The following SIMC1 variants were observed in gnomAD, a reference collection of about 807,000 sequenced individuals.
The protein encoded by SIMC1 is SUMO-interacting motif-containing protein 1.
SIMC1 carries 55 observed loss-of-function variants against 82.3 expected under a neutral mutation model. The observed-to-expected ratio is 0.67, with a 90% CI of 0.54 to 0.84. The LOEUF (loss-of-function observed/expected upper bound fraction) is 0.84, where lower values mean the gene tolerates loss of function less well. Ranked by LOEUF, SIMC1 falls within the 40% of genes least tolerant of loss-of-function variation. The pLI, the probability that SIMC1 is intolerant of heterozygous loss-of-function variation, is 0.00. For synonymous variants in SIMC1, 353 were observed against 426.3 expected (o/e 0.83, Z 2.12); for missense variants, 915 against 1,107.2 (o/e 0.83, Z 2.46).
chr5:176,313,571 G>C, intron 4 of SIMC1, 120 bp from the exon 5 acceptor site: 1 of 1,555,504 alleles, frequency 6.4e-7, no homozygotes, highest in Non-Finnish European at 8.8e-7. Context: ...TCTCTTTTAA[G>C]CACAGGCATA....
chr5:176,276,341 C>G (rs578184820), intron 1 of SIMC1, among the ~76,000 whole-genome samples: 1 of 151,224 alleles, frequency 6.6e-6, no homozygotes, highest in Admixed American at 6.6e-5. Flanking sequence ...TTTTTTATTG[C>G]GACTGTTTGA....
chr5:176,271,854 A>C (rs1277972934), intron 1 of SIMC1, among the ~76,000 whole-genome samples: 1 of 145,792 alleles, frequency 6.9e-6, no homozygotes, highest in East Asian at 1.9e-4. Flanking sequence ...TACCCCATAG[A>C]TATATATTAT....
At chr5:176,278,752 T>G (rs1159799313) in intron 1 of SIMC1, among the ~76,000 whole-genome samples, 2 of 132,648 alleles carry the variant, frequency 1.5e-5, no homozygotes, top group African/African-American at 5.6e-5. Context: ...TGGATTACAT[T>G]TATTGTTTTG....
At position 176,313,466 on chromosome 5, in the gene SIMC1, G is replaced by A. The variant is rs755747090; in HGVS notation, c.1735-225G>A. On this transcript the variant is annotated intron_variant, in intron 4 of 9. Transcript: ENST00000429602. ...AACAAGTAATAATACTTAAAAAATGGTTTCTGAAACCTTATAAGGTATGAT... is the reference window on the plus strand; with the variant it reads ...AACAAGTAATAATACTTAAAAAATGATTTCTGAAACCTTATAAGGTATGAT... The A allele has an allele frequency of 5.2e-6, 8 of 1,550,076 alleles. No individual in the cohort carries two copies. In the African/African-American group the frequency reaches 9.6e-5, roughly 19 times the overall value.
intron 1 of SIMC1, among the ~76,000 whole-genome samples, chr5:176,249,029 C>T (rs1312726830): frequency 3.3e-5 from 5 of 152,084 alleles, no homozygotes; most frequent in Non-Finnish European, 5.9e-5. Flanking sequence ...ATTTTTGCAT[C>T]GATGTTCATC....
intron 1 of SIMC1, among the ~76,000 whole-genome samples, chr5:176,268,581 AAG>A (rs1762297575): frequency 6.6e-6 from 1 of 152,052 alleles, no homozygotes; most frequent in Non-Finnish European, 1.5e-5. Flanking sequence ...TCTGGAGACT[AAG>A]AGGAATCTTT....
Position 176,324,684 on chromosome 5 carries a change from C to A in SIMC1, c.2098C>A (p.Pro700Thr). The A allele has an allele frequency of 6.2e-7, 1 of 1,608,172 alleles. No individual in the cohort carries two copies. Among genetic ancestry groups the A allele is most frequent in the South Asian group, 1.1e-5 (1 of 89,758 alleles). The stretch of plus-strand genomic sequence containing the variant: ...CATAGCCGTAGAGGTGGACAGGACC[C>A]CCACCTGCAGCTCCAATAAAATTGC... ...LSIAVEVDRT[P>T]TCSSNKIAEM... Residue 700 changes from proline to threonine, a missense_variant, in exon 7 of 10, where the codon CCC becomes ACC. By Grantham distance (38) the Pro-to-Thr change is conservative. This residue lies in a region of SIMC1 where 902 missense variants were observed against 1,040.3 expected (regional missense o/e 0.87). Transcript: ENST00000429602.
At chr5:176,316,870 C>T (rs956649367) in intron 5 of SIMC1, among the ~76,000 whole-genome samples, 4 of 152,004 alleles carry the variant, frequency 2.6e-5, no homozygotes, top group Non-Finnish European at 4.4e-5. Flanking sequence ...TTCTGTAATC[C>T]CAGCTACTTG....
intron 5 of SIMC1, among the ~76,000 whole-genome samples, chr5:176,321,488 TCTTC>T: frequency 6.6e-6 from 1 of 152,254 alleles, no homozygotes; most frequent in South Asian, 2.1e-4. Flanking sequence ...CCTCTTCTCT[TCTTC>T]CTTGTGGATA....
rs925132958 is a variant in SIMC1, at chr5:176,275,652, C to T, written c.130-14002C>T. On this transcript the variant is annotated intron_variant, in intron 1 of 9. Transcript: ENST00000429602. ...ATTATTTTGAGATACGTCCCATCAA[C>T]ACCTAATTTATTGAGAGTTTTTAGC... is the stretch of plus-strand genomic sequence containing the variant. Among the ~76,000 whole-genome samples, 5 of 151,798 alleles carry T rather than the reference C, an allele frequency of 3.3e-5. No individual in the cohort carries two copies. The East Asian group carries it at 7.7e-4, about 23-fold the overall frequency.
In SIMC1 at chr5:176,313,864, C is replaced by G. The variant is rs1176780644; in HGVS notation, c.1889+19C>G. The G allele has an allele frequency of 1.2e-6, 2 of 1,612,544 alleles. No individual in the cohort carries two copies. Among genetic ancestry groups the G allele is most frequent in the Admixed American group, 3.3e-5 (2 of 59,976 alleles). On this transcript the variant is annotated intron_variant, in intron 5 of 9. Transcript: ENST00000429602. ...ATGTCAGGTAAGCAGCCACCTGAGC[C>G]CTCGGATGAGAAGAGGTAAGGGATT...
At chr5:176,289,024 A>G (rs1763427490) in intron 1 of SIMC1, among the ~76,000 whole-genome samples, 1 of 152,152 alleles carries the variant, frequency 6.6e-6, no homozygotes, top group Non-Finnish European at 1.5e-5. Context: ...TATCTTTCAT[A>G]TCTGTTTCTA....
intron 1 of SIMC1, chr5:176,263,464 A>C: frequency 6.5e-7 from 1 of 1,547,292 alleles, no homozygotes; most frequent in Non-Finnish European, 8.7e-7. Context: ...TGAGGACCTC[A>C]GGAAGCTTCC....
At chr5:176,296,666 C>T (rs772102726) in intron 4 of SIMC1, 1 of 219,354 alleles carries the variant, frequency 4.6e-6, no homozygotes, top group Non-Finnish European at 9.0e-6. Context: ...AAGACCCTGT[C>T]TTAAAAGAAA....
chr5:176,277,403 G>C (rs901729012), intron 1 of SIMC1, among the ~76,000 whole-genome samples: 7 of 151,848 alleles, frequency 4.6e-5, no homozygotes, highest in African/African-American at 1.2e-4. Flanking sequence ...TAGGTTGCCT[G>C]TTCACTCTGA....
intron 1 of SIMC1, among the ~76,000 whole-genome samples, chr5:176,282,556 TC>T (rs1420336722): frequency 6.6e-6 from 1 of 151,892 alleles, no homozygotes; most frequent in Non-Finnish European, 1.5e-5. Flanking sequence ...CCGGAGCTGT[TC>T]CTATTCGGCC....
chr5:176,252,320 A>G (rs1761697159), intron 1 of SIMC1, among the ~76,000 whole-genome samples: 1 of 151,324 alleles, frequency 6.6e-6, no homozygotes. Flanking sequence ...CGCTCCGGGC[A>G]GAGACGCTCC....
chr5:176,315,163 G>A (rs559468535), intron 5 of SIMC1, among the ~76,000 whole-genome samples: 4 of 152,266 alleles, frequency 2.6e-5, no homozygotes, highest in Admixed American at 1.3e-4. Context: ...TACAAGAAGC[G>A]TGGCTCCAGC....
At chr5:176,305,648 C>A (rs1431072017) in intron 4 of SIMC1, among the ~76,000 whole-genome samples, 95 of 127,956 alleles carry the variant, frequency 7.4e-4, no homozygotes, top group Non-Finnish European at 1.0e-3. Flanking sequence ...GCCCGGCTGC[C>A]CCTACTGGGA....
Sources: allele counts gnomAD v4.1 joint callset (sites outside exome capture counted in the v4.1 genomes callset), GRCh38; gene constraint gnomAD v4.1.1; regional missense constraint gnomAD v4.1.1; transcripts MANE v1.5; gene names NCBI Gene and HGNC (gene_info 2026-07-23, HGNC 2026-07-21).